Variants in FMN1 observed in about 807,000 individuals in gnomAD.
FMN1 encodes the protein formin 1.
Under a neutral mutation model 132.4 loss-of-function variants are expected in FMN1, and 110 were observed. That is an observed-to-expected ratio of 0.83 (90% CI 0.71 to 0.97). The LOEUF (loss-of-function observed/expected upper bound fraction) is 0.97. FMN1 is among the 50% of genes least tolerant of loss of function. FMN1 has a pLI of 0.00. For missense variants in FMN1, 1,792 were observed against 1,705.3 expected (o/e 1.05, Z -0.90); for synonymous variants, 722 against 651.7 (o/e 1.11, Z -1.64).
chr15:32,879,568 T>A (rs936928666), intron 16 of FMN1, among the ~76,000 whole-genome samples: 2 of 152,182 alleles, frequency 1.3e-5, no homozygotes, highest in Non-Finnish European at 2.9e-5. Context: ...ATTTAAGTAC[T>A]ACCTCACACC....
At position 33,190,277 on chromosome 15, in the gene FMN1, G is replaced by C. The variant is rs183677887; in HGVS notation, c.-197+3632C>G. Among the ~76,000 whole-genome samples the C allele has an allele frequency of 6.2e-4, 95 of 152,278 alleles. No individual in the cohort carries two copies. The East Asian group carries it at 0.012, about 19-fold the overall frequency. On this transcript the variant is annotated intron_variant, in intron 2 of 20. Transcript: ENST00000616417. ...AAAGAGTTCTTGAAACTCTAAAGAA[G>C]AGATTTTAGAGAACATGAGACAGTG...
At chr15:33,058,758 A>C (rs777079045) in intron 6 of FMN1, among the ~76,000 whole-genome samples, 1 of 152,200 alleles carries the variant, frequency 6.6e-6, no homozygotes, top group Non-Finnish European at 1.5e-5. Flanking sequence ...AATAACCTGC[A>C]TAATTTTTTA....
At chr15:33,101,363 G>A (rs2039287411) in intron 4 of FMN1, among the ~76,000 whole-genome samples, 2 of 151,890 alleles carry the variant, frequency 1.3e-5, no homozygotes, top group East Asian at 3.9e-4. Context: ...GTAATCTAGG[G>A]GTGTCTAATC....
chr15:33,152,641 C>A (rs999747913), intron 4 of FMN1, among the ~76,000 whole-genome samples: 7 of 152,016 alleles, frequency 4.6e-5, no homozygotes, highest in Non-Finnish European at 7.4e-5. Context: ...ATGACTCCAG[C>A]AGCATGAATG....
intron 5 of FMN1, among the ~76,000 whole-genome samples, chr15:33,075,445 G>A (rs139514278): frequency 1.1e-4 from 16 of 152,238 alleles, no homozygotes; most frequent in African/African-American, 2.9e-4. Flanking sequence ...TGCCCCAGCC[G>A]CAACCATGCC....
At chr15:33,135,192 G>T (rs540639876) in intron 4 of FMN1, among the ~76,000 whole-genome samples, 5 of 152,236 alleles carry the variant, frequency 3.3e-5, no homozygotes, top group African/African-American at 1.2e-4. Context: ...TGTTTGACTT[G>T]CACTTTAGAT....
intron 2 of FMN1, among the ~76,000 whole-genome samples, chr15:33,182,474 TCAGCTCTGTA>T (rs1371378767): frequency 6.6e-6 from 1 of 152,204 alleles, no homozygotes; most frequent in Non-Finnish European, 1.5e-5. Context: ...TCACATTTCT[TCAGCTCTGTA>T]CAGACACTGA....
chr15:32,926,401 A>T (rs527987849), intron 9 of FMN1, 140 bp from the exon 10 acceptor site: 1 of 551,740 alleles, frequency 1.8e-6, no homozygotes, highest in East Asian at 3.1e-5. Flanking sequence ...TTTAAATAAT[A>T]CTTAATTGGG....
chr15:33,102,122 C>T (rs996575825), intron 4 of FMN1, among the ~76,000 whole-genome samples: 3 of 152,202 alleles, frequency 2.0e-5, no homozygotes, highest in South Asian at 2.1e-4. Flanking sequence ...CAGCATGTGA[C>T]GCTCCGTTAT....
intron 9 of FMN1, among the ~76,000 whole-genome samples, chr15:32,954,126 T>C (rs77397337): frequency 6.6e-6 from 1 of 152,198 alleles, no homozygotes; most frequent in East Asian, 1.9e-4. Flanking sequence ...TGGCTGCTAA[T>C]TTCCACTGCA....
At chr15:32,895,704 T>C (rs1255738744) in intron 15 of FMN1, among the ~76,000 whole-genome samples, 1 of 152,084 alleles carries the variant, frequency 6.6e-6, no homozygotes, top group Non-Finnish European at 1.5e-5. Flanking sequence ...AAATTGCCTG[T>C]GATATATTTT....
At chr15:33,017,423 A>G (rs1208824658) in intron 6 of FMN1, among the ~76,000 whole-genome samples, 2 of 92,758 alleles carry the variant, frequency 2.2e-5, no homozygotes, top group Non-Finnish European at 4.9e-5. Context: ...GTGAGAGGGA[A>G]CTCTACTTTC....
intron 7 of FMN1, among the ~76,000 whole-genome samples, chr15:32,972,544 A>C (rs1300274285): frequency 1.3e-5 from 2 of 152,150 alleles, no homozygotes; most frequent in Non-Finnish European, 2.9e-5. Flanking sequence ...TTAAGAGTTG[A>C]CTGTTGCACA....
chr15:32,802,520 A>G (rs534677810), intron 18 of FMN1, among the ~76,000 whole-genome samples: 2 of 152,336 alleles, frequency 1.3e-5, no homozygotes, highest in East Asian at 3.9e-4. Context: ...TGTGGTTTCT[A>G]CATTAAAGAT....
At chr15:32,809,260 T>A (rs910729965) in intron 17 of FMN1, among the ~76,000 whole-genome samples, 45 of 152,194 alleles carry the variant, frequency 3.0e-4, no homozygotes, top group Non-Finnish European at 8.8e-5. Context: ...TTAAGTTTTC[T>A]GAGAGCTAAG....
At chr15:32,854,324 T>C (rs1238464974) in intron 17 of FMN1, among the ~76,000 whole-genome samples, 1 of 152,230 alleles carries the variant, frequency 6.6e-6, no homozygotes, top group Non-Finnish European at 1.5e-5. Context: ...AGCACAATTC[T>C]AGACTGTTTT....
At chr15:33,128,471 T>C (rs950567290) in intron 4 of FMN1, among the ~76,000 whole-genome samples, 85 of 152,312 alleles carry the variant, frequency 5.6e-4, no homozygotes, top group African/African-American at 2.0e-3. Flanking sequence ...GCAAGGTCCA[T>C]TTATAAAAAG....
chr15:32,804,348 C>G lies in FMN1; in HGVS notation c.3929-16G>C. 6.6e-7 allele frequency: 1 copy of G among 1,518,082 alleles called. No individual in the cohort carries two copies. The highest frequency in any genetic ancestry group is 8.9e-7 in the Non-Finnish European group (1 of 1,127,190). 94.0% of individuals were successfully genotyped at this position (1,518,082 alleles called of 1,614,324 possible). On this transcript the variant is annotated splice_polypyrimidine_tract_variant and intron_variant, in intron 17 of 20. Transcript: ENST00000616417. ...TCTTTTTTGGCTGTAAAAGATAAATCATGATTAAAAATTTTTTCTTCTGTT... is the reference window on the plus strand; with the variant it reads ...TCTTTTTTGGCTGTAAAAGATAAATGATGATTAAAAATTTTTTCTTCTGTT...
intron 17 of FMN1, among the ~76,000 whole-genome samples, chr15:32,830,992 C>T (rs2058487279): frequency 1.3e-5 from 2 of 152,184 alleles, no homozygotes; most frequent in Admixed American, 1.3e-4. Context: ...ACTTACTCAA[C>T]CACTCTAGTC....
Sources: gnomAD v4.1 joint callset for allele counts (sites outside exome capture counted in the v4.1 genomes callset) on GRCh38, gnomAD v4.1.1 for gene constraint, MANE v1.5 for transcripts, NCBI Gene and HGNC (gene_info 2026-07-23, HGNC 2026-07-21) for gene names.